Variants in DNAH5 observed in about 807,000 individuals in gnomAD.
DNAH5 encodes axonemal beta dynein heavy chain 5.
Under a neutral mutation model 518.2 loss-of-function variants are expected in DNAH5, and 372 were observed. The observed-to-expected ratio is 0.72, with a 90% CI of 0.66 to 0.78. The LOEUF (loss-of-function observed/expected upper bound fraction) is 0.78, where lower values mean the gene tolerates loss of function less well. Among genes scored for constraint, DNAH5 ranks in the 30% least tolerant of loss-of-function variants. DNAH5 has a pLI of 0.00. For synonymous variants in DNAH5, 2,039 were observed against 2,025.9 expected (o/e 1.01, Z -0.17); for missense variants, 5,523 against 5,687.0 (o/e 0.97, Z 0.93).
intron 16 of DNAH5, 42 bp downstream of exon 16, chr5:13,894,608 G>A: frequency 3.1e-6 from 5 of 1,594,418 alleles, no homozygotes; most frequent in Non-Finnish European, 4.3e-6. Context: ...TAGGAACTCA[G>A]CCTTTAGAAT....
intron 1 of DNAH5, among the ~76,000 whole-genome samples, chr5:13,961,664 A>G (rs1042390531): frequency 3.9e-5 from 6 of 152,120 alleles, no homozygotes; most frequent in Admixed American, 1.3e-4. Flanking sequence ...AAAGAAAAAG[A>G]AAGAAAGAAA....
rs561728580 is a variant in DNAH5, at chr5:13,847,257, A to G, written c.5115-2264T>C. Among the ~76,000 whole-genome samples the G allele has an allele frequency of 6.8e-4, 103 of 152,176 alleles. 1 individual carries two copies. Among genetic ancestry groups the G allele is most frequent in the Middle Eastern group, 3.4e-3 (1 of 294 alleles). On this transcript the variant is annotated intron_variant, in intron 31 of 78. Coordinates refer to ENST00000265104, the MANE Select transcript of DNAH5 (RefSeq NM_001369.3). ...TCAAATGTCTATACAAGGCTTACAT[A>G]TATTGCTTATAACCTCTTCTGGGTA... is the stretch of plus-strand genomic sequence containing the variant.
intron 70 of DNAH5, among the ~76,000 whole-genome samples, chr5:13,722,050 CAA>C (rs1360404821): frequency 1.3e-5 from 2 of 152,128 alleles, no homozygotes; most frequent in Admixed American, 1.3e-4. Flanking sequence ...GGGTAAAACC[CAA>C]GTTTCTCTCC....
chr5:13,761,458 T>G (rs370578422), intron 60 of DNAH5, among the ~76,000 whole-genome samples: 1 of 151,686 alleles, frequency 6.6e-6, no homozygotes, highest in African/African-American at 2.4e-5. Context: ...CCAGGCATGG[T>G]GGTGGGCGCC....
intron 65 of DNAH5, among the ~76,000 whole-genome samples, chr5:13,747,444 G>C (rs1162253811): frequency 1.3e-5 from 2 of 151,884 alleles, no homozygotes; most frequent in South Asian, 4.1e-4. Context: ...TCTAGTTCTA[G>C]ATCCCTGAGG....
At chr5:13,875,697 A>G (rs1770796039) in intron 22 of DNAH5, among the ~76,000 whole-genome samples, 2 of 152,196 alleles carry the variant, frequency 1.3e-5, no homozygotes, top group Non-Finnish European at 2.9e-5. Flanking sequence ...CATTCAGTAT[A>G]GAGCTTAATA....
Position 13,931,138 on chromosome 5 carries a change from A to G in DNAH5, c.164T>C (p.Val55Ala). The change falls in exon 2 of 79, where the codon GTG becomes GCG. Residue 55 changes from valine (V) to alanine (A), a missense_variant. Physicochemically the swap from Val to Ala is moderately conservative, Grantham distance 64. Coordinates refer to ENST00000265104, the MANE Select transcript of DNAH5 (RefSeq NM_001369.3). Reference protein sequence around the residue: ...ASCLDLNKTEVEDAILEGNQI... With the variant: ...ASCLDLNKTEAEDAILEGNQI... Reference sequence around the variant, plus strand: ...ATTCCCTTCAAGAATGGCATCCTCCACTTCGGTTTTGTTCAGGTCCAAACA... The same window carrying G: ...ATTCCCTTCAAGAATGGCATCCTCCGCTTCGGTTTTGTTCAGGTCCAAACA... The G allele has an allele frequency of 6.2e-7, 1 of 1,614,082 alleles. No individual in the cohort carries two copies. The highest frequency in any genetic ancestry group is 8.5e-7 in the Non-Finnish European group (1 of 1,179,960).
chr5:13,770,283 T>G (rs1161716241), intron 56 of DNAH5, among the ~76,000 whole-genome samples: 1 of 152,156 alleles, frequency 6.6e-6, no homozygotes, highest in Non-Finnish European at 1.5e-5. Flanking sequence ...AACATATGCA[T>G]CAACCTGGCT....
intron 28 of DNAH5, among the ~76,000 whole-genome samples, chr5:13,863,058 T>A (rs7725395): frequency 6.6e-6 from 1 of 151,856 alleles, no homozygotes; most frequent in African/African-American, 2.4e-5. Flanking sequence ...ATTTTGAAAC[T>A]TTAATCACTG....
intron 78 of DNAH5, among the ~76,000 whole-genome samples, chr5:13,696,718 T>C (rs931133382): frequency 3.3e-5 from 5 of 152,290 alleles, no homozygotes; most frequent in African/African-American, 1.2e-4. Context: ...ATGAAAGGGG[T>C]AACAGAATGT....
chr5:13,777,413 C>T, intron 53 of DNAH5, 58 bp from the exon 54 acceptor site: 1 of 1,529,746 alleles, frequency 6.5e-7, no homozygotes, highest in Non-Finnish European at 9.0e-7. Context: ...AGGGAAAGAA[C>T]CTTGTAACAA....
At chr5:13,747,409 T>C (rs1397872244) in intron 65 of DNAH5, among the ~76,000 whole-genome samples, 1 of 152,234 alleles carries the variant, frequency 6.6e-6, no homozygotes, top group Non-Finnish European at 1.5e-5. Context: ...TACCCAGTAA[T>C]GGGATGGCAG....
At chr5:13,929,815 T>C (rs1778243214) in intron 2 of DNAH5, among the ~76,000 whole-genome samples, 1 of 152,182 alleles carries the variant, frequency 6.6e-6, no homozygotes, top group African/African-American at 2.4e-5. Context: ...GCTGAACTTT[T>C]GCCTGCTTCT....
intron 3 of DNAH5, among the ~76,000 whole-genome samples, chr5:13,927,299 C>T (rs955878481): frequency 2.6e-5 from 4 of 152,122 alleles, no homozygotes. Flanking sequence ...CGAGACCATC[C>T]TAGCCAACAT....
chr5:13,812,516 G>A (rs948166964), intron 43 of DNAH5, among the ~76,000 whole-genome samples: 1 of 152,120 alleles, frequency 6.6e-6, no homozygotes, highest in Non-Finnish European at 1.5e-5. Context: ...ATATTGCCCA[G>A]GCTAGTCTCA....
chr5:13,979,221 C>T (rs148810008), intron 1 of DNAH5, among the ~76,000 whole-genome samples: 208 of 152,210 alleles, frequency 1.4e-3, no homozygotes, highest in African/African-American at 4.7e-3. Flanking sequence ...CCAGCAAGTC[C>T]CTCCTCAAAC....
At position 13,717,359 on chromosome 5, in the gene DNAH5, C is replaced by T. The variant is rs1325899825; in HGVS notation, c.12661G>A (p.Val4221Met). The change falls in exon 73 of 79, where the codon GTG becomes ATG. Residue 4221 changes from valine to methionine, a missense_variant. Around this residue, in one of 3 missense-constraint regions of DNAH5, gnomAD observed 5,121 missense variants for 5,223.3 expected, o/e 0.98. Coordinates refer to ENST00000265104, the MANE Select transcript of DNAH5 (RefSeq NM_001369.3). ...TCCAAGTGGTTTTGGATGAACTGCA[C>T]AGTGGCATTAAAGTCCGCTTGGTTA... ...EFNQADFNAT[V>M]QFIQNHLDDM... 1.8e-5 allele frequency: 29 copies of T among 1,614,020 alleles called. No homozygotes were observed. Among genetic ancestry groups the T allele is most frequent in the Non-Finnish European group, 2.5e-5 (29 of 1,180,012 alleles).
chr5:13,872,732 A>G (rs1770303373), intron 22 of DNAH5, among the ~76,000 whole-genome samples: 1 of 152,180 alleles, frequency 6.6e-6, no homozygotes, highest in Non-Finnish European at 1.5e-5. Flanking sequence ...CCAGCAAAAC[A>G]AATGCTACTG....
Position 13,919,377 on chromosome 5 carries a change from G to C in DNAH5, c.799-25C>G, listed in dbSNP as rs745533584. On this transcript the variant is annotated intron_variant, in intron 6 of 78. Coordinates refer to ENST00000265104, the MANE Select transcript of DNAH5 (RefSeq NM_001369.3). Reference sequence around the variant, plus strand: ...CCTGCAAATGCGCGGGGAAAAACACGAGCCATTGCACGGGGCTGGAGACGC... The same window carrying C: ...CCTGCAAATGCGCGGGGAAAAACACCAGCCATTGCACGGGGCTGGAGACGC... 4 of 1,612,128 alleles carry C rather than the reference G, an allele frequency of 2.5e-6. No individual in the cohort carries two copies. In the African/African-American group the frequency reaches 5.3e-5, roughly 22 times the overall value.
Sources: gnomAD v4.1 joint callset for allele counts (sites outside exome capture counted in the v4.1 genomes callset) on GRCh38, gnomAD v4.1.1 for gene constraint, gnomAD v4.1.1 regional missense constraint, MANE v1.5 for transcripts, NCBI Gene and HGNC (gene_info 2026-07-23, HGNC 2026-07-21) for gene names.